The following ARHGAP23 variants were observed in gnomAD, a reference collection of about 807,000 sequenced individuals.
The protein encoded by ARHGAP23 is Rho GTPase activating protein 23.
In ARHGAP23, 34 loss-of-function variants were observed where a neutral mutation model predicts 136.3. The observed-to-expected ratio is 0.25, with a 90% CI of 0.19 to 0.33. The LOEUF is 0.33. Ranked by LOEUF, ARHGAP23 falls within the 10% of genes least tolerant of loss-of-function variation. The pLI, the probability that ARHGAP23 is intolerant of heterozygous loss-of-function variation, is 1.00. For missense variants in ARHGAP23, 1,808 were observed against 2,139.0 expected, an observed-to-expected ratio of 0.85 and a Z score of 3.05; for synonymous variants, 832 against 920.5, an observed-to-expected ratio of 0.90 and a Z score of 1.74.
intron 10 of ARHGAP23, among the ~76,000 whole-genome samples, chr17:38,470,428 CG>C (rs1169358733): frequency 1.3e-5 from 2 of 152,126 alleles, no homozygotes; most frequent in African/African-American, 4.8e-5. Context: ...GGGATGGGGT[CG>C]GGGTGGACAC....
upstream of ARHGAP23, among the ~76,000 whole-genome samples, chr17:38,427,089 G>A (rs960625241): frequency 3.3e-5 from 5 of 152,354 alleles, no homozygotes; most frequent in East Asian, 1.9e-4. Context: ...TGGGAAAGAG[G>A]TAAGCATAAG....
At chr17:38,429,285 A>C (rs950747585) in intron 1 of ARHGAP23, among the ~76,000 whole-genome samples, 1 of 152,144 alleles carries the variant, frequency 6.6e-6, no homozygotes. Context: ...GAGGCTGGGG[A>C]GGGGCCAGCA....
At chr17:38,443,801 T>C (rs1288852406) in intron 1 of ARHGAP23, among the ~76,000 whole-genome samples, 1 of 152,082 alleles carries the variant, frequency 6.6e-6, no homozygotes, top group Admixed American at 6.5e-5. Context: ...GGAGGGGACA[T>C]GGTCTTAGCT....
At chr17:38,425,840 G>A (rs2038564180), upstream of ARHGAP23, among the ~76,000 whole-genome samples, 2 of 152,068 alleles carry the variant, frequency 1.3e-5, no homozygotes, top group South Asian at 2.1e-4. Flanking sequence ...CAGGGTGGGG[G>A]TGCAGGTCAA....
chr17:38,429,547 G>A (rs991872734), intron 1 of ARHGAP23, among the ~76,000 whole-genome samples: 2 of 152,188 alleles, frequency 1.3e-5, no homozygotes, highest in Non-Finnish European at 2.9e-5. Flanking sequence ...CAGCTTTCCC[G>A]GCAGTGTTGA....
chr17:38,438,096 G>T (rs1056632202), intron 1 of ARHGAP23, among the ~76,000 whole-genome samples: 3 of 152,196 alleles, frequency 2.0e-5, no homozygotes, highest in African/African-American at 7.2e-5. Context: ...GCCAAGGTGG[G>T]CAAATCACGA....
intron 20 of ARHGAP23, among the ~76,000 whole-genome samples, chr17:38,495,228 CTTTTTT>C (rs11295890): frequency 3.7e-5 from 5 of 135,482 alleles, no homozygotes; most frequent in Admixed American, 7.5e-5. Context: ...TTTTCTTTTT[CTTTTTT>C]TTTTTTTTTT....
At chr17:38,502,488 A>G (rs1269886033) in intron 23 of ARHGAP23, among the ~76,000 whole-genome samples, 1 of 152,252 alleles carries the variant, frequency 6.6e-6, no homozygotes, top group African/African-American at 2.4e-5. Flanking sequence ...TACTGAAAAT[A>G]TAAATAATGA....
intron 1 of ARHGAP23, among the ~76,000 whole-genome samples, chr17:38,438,060 C>T (rs560078892): frequency 3.9e-5 from 6 of 152,242 alleles, no homozygotes; most frequent in South Asian, 2.1e-4. Context: ...CGGTGGCTCA[C>T]GCCTGTCATC....
rs1249686048 is a variant in ARHGAP23, at chr17:38,469,551, C to T, written c.1832C>T (p.Ser611Phe). The T allele has an allele frequency of 2.3e-5, 36 of 1,548,532 alleles. No individual in the cohort carries two copies. The highest frequency in any genetic ancestry group is 3.1e-5 in the Non-Finnish European group (36 of 1,146,732). Residue 611 changes from serine (S) to phenylalanine (F), a missense_variant, in exon 9 of 24, where the codon TCC becomes TTC. Physicochemically the swap from Ser to Phe is radical, Grantham distance 155. Around this residue, in one of 7 missense-constraint regions of ARHGAP23, gnomAD observed 859 missense variants for 936.4 expected, o/e 0.92. Transcript: ENST00000622683. ...CSSIKAGRRS[S>F]YLLAITTERS... Reference sequence around the variant, plus strand: ...AGCATCAAGGCTGGCCGCCGCTCCTCCTACCTGCTGGCCATCACCACGGAG... The same window carrying T: ...AGCATCAAGGCTGGCCGCCGCTCCTTCTACCTGCTGGCCATCACCACGGAG...
At chr17:38,481,058 C>T (rs1404580487) in intron 14 of ARHGAP23, among the ~76,000 whole-genome samples, 3 of 152,104 alleles carry the variant, frequency 2.0e-5, no homozygotes, top group Non-Finnish European at 4.4e-5. Context: ...TCATTGCAAC[C>T]TCCACCTCTT....
chr17:38,477,149 G>A lies in ARHGAP23; in HGVS notation c.2119-430G>A, dbSNP rs1030887761. ...GGAGTCTTGGGTGGGCGGCAGGAAA[G>A]TGGGGAGAACAACCCTCTAAGAGTG... On this transcript the variant is annotated intron_variant, in intron 11 of 23. Transcript: ENST00000622683. This position sits in a 1 kb window ranked among gnomAD's most constrained non-coding sequence, Gnocchi z 6.6. Among the ~76,000 whole-genome samples, 1 of 152,086 alleles carries A rather than the reference G, an allele frequency of 6.6e-6. No homozygotes were observed. The highest frequency in any genetic ancestry group is 1.5e-5 in the Non-Finnish European group (1 of 68,012).
At chr17:38,464,090 G>A (rs1161361084) in intron 6 of ARHGAP23, among the ~76,000 whole-genome samples, 2 of 152,044 alleles carry the variant, frequency 1.3e-5, no homozygotes, top group East Asian at 1.9e-4. Context: ...CACCCACGCC[G>A]CACTATCACA....
At chr17:38,462,758 C>T (rs1317893001) in intron 3 of ARHGAP23, 88 bp from the exon 4 acceptor site, 3 of 947,170 alleles carry the variant, frequency 3.2e-6, no homozygotes, top group African/African-American at 3.4e-5. Flanking sequence ...TGCAATCATT[C>T]TCTGAGTGTG....
At position 38,467,122 on chromosome 17, in the gene ARHGAP23, C is replaced by T. The variant is rs1266172428; in HGVS notation, c.1439C>T (p.Pro480Leu). 6.5e-7 allele frequency: 1 copy of T among 1,550,238 alleles called. No homozygotes were observed. The highest frequency in any genetic ancestry group is 8.7e-7 in the Non-Finnish European group (1 of 1,146,634). Reference sequence around the variant, plus strand: ...GAACCCAGCACCCGGGCCCTGGAGCCTCCTGCGGAGGATCGCGGCGATGAG... The same window carrying T: ...GAACCCAGCACCCGGGCCCTGGAGCTTCCTGCGGAGGATCGCGGCGATGAG... ...RPEPSTRALE[P>L]PAEDRGDEVV... The change falls in exon 7 of 24, where the codon CCT becomes CTT. Residue 480 changes from proline (P) to leucine (L), a missense_variant. Around this residue, in one of 7 missense-constraint regions of ARHGAP23, gnomAD observed 859 missense variants for 936.4 expected, o/e 0.92. Coordinates refer to ENST00000622683, the MANE Select transcript of ARHGAP23 (RefSeq NM_001199417.2).
chr17:38,440,324 T>C lies in ARHGAP23; in HGVS notation c.63+11776T>C, dbSNP rs34934237. Reference sequence around the variant, plus strand: ...ATGAGGCACTATGCCCAGGCTCTGCTTAGGAACTTTTAAACACTATGCCCT... The same window carrying C: ...ATGAGGCACTATGCCCAGGCTCTGCCTAGGAACTTTTAAACACTATGCCCT... On this transcript the variant is annotated intron_variant, in intron 1 of 23. Transcript: ENST00000622683. Among the ~76,000 whole-genome samples, 1,106 of 152,326 alleles carry C rather than the reference T, an allele frequency of 7.3e-3. 16 individuals are homozygous for C. Among genetic ancestry groups the C allele is most frequent in the African/African-American group, 0.023 (976 of 41,584 alleles).
At position 38,421,738 on chromosome 17, in the gene ARHGAP23, A is replaced by T. The variant is rs534583394; in HGVS notation, n.120+2339A>T. Among the ~76,000 whole-genome samples, 614 of 152,174 alleles carry T rather than the reference A, an allele frequency of 4.0e-3. 4 individuals carry two copies. Among genetic ancestry groups the T allele is most frequent in the Middle Eastern group, 6.8e-3 (2 of 294 alleles). ...TCAGTCCCGCCCCTCTTTTCTCCTC[A>T]TCTGACTCCCAACACTCCCACCCAG... On this transcript the variant is annotated intron_variant and non_coding_transcript_variant, in intron 1 of 4. Coordinates refer to the ARHGAP23 transcript ENST00000633445.
At chr17:38,464,592 G>T (rs570724678) in intron 6 of ARHGAP23, among the ~76,000 whole-genome samples, 1 of 152,216 alleles carries the variant, frequency 6.6e-6, no homozygotes, top group African/African-American at 2.4e-5. Context: ...GAGGAAGGAG[G>T]GGGGGATCTG....
chr17:38,468,586 C>T (rs939095159), intron 7 of ARHGAP23, among the ~76,000 whole-genome samples: 1 of 152,126 alleles, frequency 6.6e-6, no homozygotes, highest in African/African-American at 2.4e-5. Context: ...AGCCAGCCTT[C>T]GGTGGAGCAG....
Sources: gnomAD v4.1 joint callset for allele counts (sites outside exome capture counted in the v4.1 genomes callset) on GRCh38, gnomAD v4.1.1 for gene constraint, gnomAD v4.1.1 regional missense constraint, Gnocchi (gnomAD v3.1) non-coding constraint, MANE v1.5 for transcripts, NCBI Gene and HGNC (gene_info 2026-07-23, HGNC 2026-07-21) for gene names.